Variants in BMERB1 observed in about 807,000 individuals in gnomAD.
The protein encoded by BMERB1 is bMERB domain containing 1, also known as bMERB domain-containing protein 1.
In BMERB1, 12 loss-of-function variants were observed where a neutral mutation model predicts 23.6. The ratio of observed to expected loss-of-function variants is 0.51; its 90% CI spans 0.33 to 0.82. BMERB1 has a LOEUF of 0.82. BMERB1 is among the 40% of genes least tolerant of loss of function. The pLI is 0.03. For missense variants in BMERB1, 247 were observed against 255.4 expected (o/e 0.97, Z 0.22); for synonymous variants, 122 against 96.6 (o/e 1.26, Z -1.54).
chr16:15,461,264 C>A (rs1030158196), intron 1 of BMERB1, among the ~76,000 whole-genome samples: 7 of 152,040 alleles, frequency 4.6e-5, no homozygotes, highest in African/African-American at 1.7e-4. Context: ...GCAGGAGCGA[C>A]CCCCGGGCTC....
At chr16:15,468,566 G>A (rs2051203612) in intron 1 of BMERB1, among the ~76,000 whole-genome samples, 1 of 152,116 alleles carries the variant, frequency 6.6e-6, no homozygotes, top group African/African-American at 2.4e-5. Flanking sequence ...GACTTTTTCA[G>A]GTTAACTTTG....
intron 1 of BMERB1, among the ~76,000 whole-genome samples, chr16:15,443,212 G>A (rs2150921336): frequency 6.6e-6 from 1 of 150,488 alleles, no homozygotes; most frequent in Admixed American, 6.7e-5. Context: ...TGCACCACTG[G>A]ACTCCAGCCT....
intron 1 of BMERB1, among the ~76,000 whole-genome samples, chr16:15,511,543 C>G (rs2051665429): frequency 6.6e-6 from 1 of 152,174 alleles, no homozygotes; most frequent in Non-Finnish European, 1.5e-5. Context: ...TTATCTATTT[C>G]ATGAAGTATT....
intron 2 of BMERB1, chr16:15,537,076 G>A (rs1443530269): frequency 6.6e-5 from 10 of 152,100 alleles, no homozygotes; most frequent in East Asian, 3.9e-4. Flanking sequence ...AGATAATTCC[G>A]ATGCCATCTG....
chr16:15,439,727 C>T (rs967736650), intron 1 of BMERB1, among the ~76,000 whole-genome samples: 2 of 151,984 alleles, frequency 1.3e-5, no homozygotes, highest in African/African-American at 4.8e-5. Context: ...GACATTTCAG[C>T]GTGGTTAGAT....
chr16:15,545,793 A>G (rs1182183143), intron 2 of BMERB1, among the ~76,000 whole-genome samples: 1 of 152,180 alleles, frequency 6.6e-6, no homozygotes, highest in East Asian at 1.9e-4. Flanking sequence ...GAACTTCTCT[A>G]ATAATGACTG....
At chr16:15,561,226 G>A (rs113867988) in intron 2 of BMERB1, among the ~76,000 whole-genome samples, 40 of 138,658 alleles carry the variant, frequency 2.9e-4, no homozygotes, top group African/African-American at 1.0e-3. Context: ...CAAACTGCTA[G>A]GATTACAGGT....
Position 15,471,273 on chromosome 16 carries a change from G to A in BMERB1, c.106+36514G>A, listed in dbSNP as rs187231506. 3.0e-3 allele frequency among the ~76,000 whole-genome samples: 454 copies of A among 152,236 alleles called. 1 individual carries two copies. Among genetic ancestry groups the A allele is most frequent in the African/African-American group, 8.5e-3 (353 of 41,550 alleles). On this transcript the variant is annotated intron_variant, in intron 1 of 5. Coordinates refer to ENST00000300006, the MANE Select transcript of BMERB1 (RefSeq NM_033201.3). ...CCTATGGATGTCCAATTTGTCCAGC[G>A]TTGTTTGTTAAAAAGGAATAATTTG...
At chr16:15,439,676 G>C (rs565019146) in intron 1 of BMERB1, among the ~76,000 whole-genome samples, 13 of 152,248 alleles carry the variant, frequency 8.5e-5, no homozygotes, top group African/African-American at 2.9e-4. Flanking sequence ...TTTTCCACTA[G>C]CAGGGAGGTT....
intron 1 of BMERB1, among the ~76,000 whole-genome samples, chr16:15,504,307 C>G (rs776715954): frequency 1.8e-4 from 27 of 152,120 alleles, no homozygotes; most frequent in Admixed American, 5.2e-4. Context: ...AACATCTGAC[C>G]ATTGGTAAAT....
chr16:15,529,872 C>CA (rs1313128454), intron 2 of BMERB1, among the ~76,000 whole-genome samples: 1 of 152,130 alleles, frequency 6.6e-6, no homozygotes, highest in Non-Finnish European at 1.5e-5. Context: ...GCTACTGTAA[C>CA]AAACAGCTGC....
intron 1 of BMERB1, among the ~76,000 whole-genome samples, chr16:15,463,285 G>GA (rs1211742953): frequency 5.4e-5 from 8 of 148,872 alleles, no homozygotes; most frequent in Admixed American, 1.3e-4. Flanking sequence ...TAGAGGCGGG[G>GA]ATCTCACTAT....
At chr16:15,528,024 C>A (rs1336937383) in intron 2 of BMERB1, among the ~76,000 whole-genome samples, 2 of 152,188 alleles carry the variant, frequency 1.3e-5, no homozygotes, top group Non-Finnish European at 2.9e-5. Context: ...CTCTGTCCTG[C>A]AGCCAGAGGG....
intron 1 of BMERB1, among the ~76,000 whole-genome samples, chr16:15,511,916 G>A (rs530614687): frequency 6.7e-6 from 1 of 148,742 alleles, no homozygotes; most frequent in Admixed American, 7.0e-5. Flanking sequence ...GGGAGGCTGA[G>A]GCAGGAGAAT....
At chr16:15,549,402 C>T (rs548157530) in intron 2 of BMERB1, among the ~76,000 whole-genome samples, 58 of 151,278 alleles carry the variant, frequency 3.8e-4, no homozygotes, top group African/African-American at 1.4e-3. Flanking sequence ...TAAACAGGGC[C>T]GGGTGCGGTG....
rs188359422 is a variant in BMERB1, at chr16:15,578,693, A to G, written c.305-2524A>G. On this transcript the variant is annotated intron_variant, in intron 3 of 5. Coordinates refer to ENST00000300006, the MANE Select transcript of BMERB1 (RefSeq NM_033201.3). ...CCTGGTGACGGCCTGTTCCTTATAG[A>G]TGGTACCTTCTCACTGTGCCTTTGT... is the stretch of plus-strand genomic sequence containing the variant. Among the ~76,000 whole-genome samples, 48 of 152,118 alleles carry G rather than the reference A, an allele frequency of 3.2e-4. No homozygotes were observed. In the East Asian group the frequency reaches 8.3e-3, roughly 26 times the overall value.
intron 2 of BMERB1, among the ~76,000 whole-genome samples, chr16:15,540,651 A>G (rs575210841): frequency 6.6e-6 from 1 of 152,342 alleles, no homozygotes; most frequent in African/African-American, 2.4e-5. Flanking sequence ...CTTGCCTGCA[A>G]GGCGATAAGG....
intron 2 of BMERB1, among the ~76,000 whole-genome samples, chr16:15,567,043 T>G (rs1294146714): frequency 6.6e-6 from 1 of 151,668 alleles, no homozygotes; most frequent in Non-Finnish European, 1.5e-5. Context: ...AAAATTAGCC[T>G]GTAGTCCCAG....
intron 1 of BMERB1, among the ~76,000 whole-genome samples, chr16:15,454,240 C>G (rs1383633483): frequency 6.6e-6 from 1 of 152,176 alleles, no homozygotes; most frequent in Admixed American, 6.5e-5. Context: ...TAATCTGGAG[C>G]TACAGTCACG....
Sources: allele counts gnomAD v4.1 joint callset (sites outside exome capture counted in the v4.1 genomes callset), GRCh38; gene constraint gnomAD v4.1.1; transcripts MANE v1.5; gene names NCBI Gene and HGNC (gene_info 2026-07-23, HGNC 2026-07-21).